UBTF: variants seen among roughly 807,000 people sequenced by gnomAD.
UBTF encodes upstream binding transcription factor, also known as nucleolar transcription factor 1.
A neutral mutation model predicts 112.3 loss-of-function variants in UBTF; 8 were observed. The observed-to-expected ratio is 0.07, with a 90% CI of 0.04 to 0.13. The LOEUF is 0.13. UBTF is among the 10% of genes least tolerant of loss of function. The probability of loss-of-function intolerance (pLI) is 1.00; values close to 1 mark genes in which losing one functional copy is unlikely to be tolerated. For synonymous variants in UBTF, 417 were observed against 373.1 expected (o/e 1.12, Z -1.36); for missense variants, 457 against 982.1 (o/e 0.47, Z 7.15).
rs368250400 is a variant in UBTF at position 44,206,125 on chromosome 17, C to G, written c.*1117G>C. The G allele has an allele frequency of 6.6e-6, 1 of 152,270 alleles. No individual in the cohort carries two copies. The highest frequency in any genetic ancestry group is 6.5e-5 in the Admixed American group (1 of 15,284). 9.4% of individuals were successfully genotyped at this position (152,270 alleles called of 1,614,324 possible). On this transcript the variant is annotated 3_prime_UTR_variant, in exon 21 of 21. Transcript: ENST00000436088. ...CAGGGGAGACCTTTTCCATCAAATA[C>G]AAGCTTTAAGCTTCACACCATCTTG... is the stretch of plus-strand genomic sequence containing the variant.
At chr17:44,219,929 C>A (rs1464152839), upstream of UBTF, among the ~76,000 whole-genome samples, 1 of 150,970 alleles carries the variant, frequency 6.6e-6, no homozygotes, top group Non-Finnish European at 1.5e-5. Context: ...CCACAGCCTG[C>A]CCGGGCGGGC....
At position 44,210,812 on chromosome 17, in the gene UBTF, C is replaced by A; in HGVS notation, c.1339G>T (p.Asp447Tyr). 6.4e-7 allele frequency: 1 copy of A among 1,567,774 alleles called. No individual in the cohort carries two copies. Among genetic ancestry groups the A allele is most frequent in the Non-Finnish European group, 8.7e-7 (1 of 1,155,448 alleles). Reference protein sequence around the residue: ...LTRLLARMWNDLSEKKKAKYK... With the variant: ...LTRLLARMWNYLSEKKKAKYK... ...CTGACCTTCTTCTTCTCAGACAGGTCGTTCCACATTCGGGCCAGCAGGCGG... is the reference window on the plus strand; with the variant it reads ...CTGACCTTCTTCTTCTCAGACAGGTAGTTCCACATTCGGGCCAGCAGGCGG... Residue 447 changes from aspartate (D) to tyrosine (Y), a missense_variant, in exon 13 of 21, where the codon GAC (aspartate) becomes TAC (tyrosine). Asp to Tyr is a radical substitution (Grantham distance 160). Coordinates refer to ENST00000436088, the MANE Select transcript of UBTF (RefSeq NM_014233.4).
chr17:44,220,572 C>T (rs565686642), upstream of UBTF, among the ~76,000 whole-genome samples: 159 of 152,266 alleles, frequency 1.0e-3, no homozygotes, highest in Non-Finnish European at 1.5e-3. Context: ...CTTTACACCC[C>T]GGAAACGGCA....
At chr17:44,220,251 C>T (rs556761085), upstream of UBTF, among the ~76,000 whole-genome samples, 748 of 151,846 alleles carry the variant, frequency 4.9e-3, 8 homozygotes, top group African/African-American at 0.017. Flanking sequence ...AGAGGGTGCC[C>T]GGAGGTGCCC....
At chr17:44,219,060 C>T (rs1397594933) in intron 1 of UBTF, 1 of 149,732 alleles carries the variant, frequency 6.7e-6, no homozygotes, top group Non-Finnish European at 1.5e-5. Flanking sequence ...CGCCTCCTCC[C>T]CCGAGCCTGC....
chr17:44,212,432 T>G lies in UBTF; in HGVS notation c.683A>C (p.Asp228Ala). The G allele has an allele frequency of 6.4e-7, 1 of 1,567,098 alleles. No homozygotes were observed. The highest frequency in any genetic ancestry group is 8.7e-7 in the Non-Finnish European group (1 of 1,154,128). Residue 228 changes from aspartate to alanine, a missense_variant, in exon 8 of 21, where the codon GAC becomes GCC. Around this residue, in one of 7 missense-constraint regions of UBTF, gnomAD observed 87 missense variants for 286.6 expected, o/e 0.30. Coordinates refer to ENST00000436088, the MANE Select transcript of UBTF (RefSeq NM_014233.4). ...RPDATTKEVK[D>A]SLGKQWSQLS... Reference sequence around the variant, plus strand: ...CTGAGACCACTGCTTCCCCAGGGAGTCCTTCACCTCCTTCGTAGTGGCCTG... The same window carrying G: ...CTGAGACCACTGCTTCCCCAGGGAGGCCTTCACCTCCTTCGTAGTGGCCTG...
At chr17:44,210,759 C>A in intron 13 of UBTF, 33 bp downstream of exon 13, 1 of 1,552,178 alleles carries the variant, frequency 6.4e-7, no homozygotes, top group South Asian at 1.2e-5. Context: ...GGCAGCCCCC[C>A]TGGGGGCACA....
At position 44,212,819 on chromosome 17, in the gene UBTF, A is replaced by G. The variant is rs1238946781; in HGVS notation, c.660T>C (p.Asp220=). Residue 220 remains aspartate (D), a splice_region_variant and synonymous_variant, in exon 7 of 21, where the codon GAT becomes GAC. Coordinates refer to ENST00000436088, the MANE Select transcript of UBTF (RefSeq NM_014233.4). ...CCCCAACCCTTGGCCGGACACTCAC[A>G]TCTGGCCGCACTTTGAGATACACCT... The part of the protein sequence containing the change: ...EKKVYLKVRP[D]ATTKEVKDSL... The G allele has an allele frequency of 1.2e-6, 2 of 1,613,832 alleles. No homozygotes were observed. The highest frequency in any genetic ancestry group is 2.2e-5 in the South Asian group (2 of 91,058).
At position 44,207,125 on chromosome 17, in the gene UBTF, AAG is replaced by A. The variant is rs2056291080; in HGVS notation, c.*115_*116del. 4.3e-6 allele frequency: 5 copies of A among 1,158,818 alleles called. No individual in the cohort carries two copies. The highest frequency in any genetic ancestry group is 6.0e-6 in the Non-Finnish European group (5 of 830,652). 71.8% of individuals were successfully genotyped at this position (1,158,818 alleles called of 1,614,324 possible). Reference sequence around the variant, plus strand: ...ATTTTTTTTTTTTTTTAAAGAAAGAAAGAAAGTGGGGGAGGCCAGGGGGGCAA... The same window carrying A: ...ATTTTTTTTTTTTTTTAAAGAAAGAAAAAGTGGGGGAGGCCAGGGGGGCAA... On this transcript the variant is annotated 3_prime_UTR_variant, in exon 21 of 21. Transcript: ENST00000436088.
At chr17:44,212,512 AG>A in intron 7 of UBTF, 58 bp from the exon 8 acceptor site, 1 of 54,342 alleles carries the variant, frequency 1.8e-5, no homozygotes. Flanking sequence ...GGAGGGGGGA[AG>A]GGGGAAGGGG....
rs778439956 is a variant in UBTF, at chr17:44,211,135, C to T, written c.1107G>A (p.Glu369=). The part of the protein sequence containing the change: ...LRFLESLPEE[E]QQRVLGEEKM... ...TCTCTTCCCCCAAGACCCGCTGCTGCTCCTCCTCAGGCAGGCTCTGGACAG... is the reference window on the plus strand; with the variant it reads ...TCTCTTCCCCCAAGACCCGCTGCTGTTCCTCCTCAGGCAGGCTCTGGACAG... Residue 369 remains glutamate, a synonymous_variant, in exon 12 of 21, where the codon GAG becomes GAA. Coordinates refer to ENST00000436088, the MANE Select transcript of UBTF (RefSeq NM_014233.4). The surrounding 1 kb of genome is among the most constrained non-coding windows in gnomAD (Gnocchi z 4.9). 1.2e-6 allele frequency: 2 copies of T among 1,613,294 alleles called. No homozygotes were observed. The highest frequency in any genetic ancestry group is 1.1e-5 in the South Asian group (1 of 91,074).
At position 44,207,226 on chromosome 17, in the gene UBTF, G is replaced by A; in HGVS notation, c.*16C>T. The A allele has an allele frequency of 6.2e-7, 1 of 1,613,262 alleles. No individual in the cohort carries two copies. The highest frequency in any genetic ancestry group is 1.1e-5 in the South Asian group (1 of 90,836). On this transcript the variant is annotated 3_prime_UTR_variant, in exon 21 of 21. Transcript: ENST00000436088. ...CTCCTGGGCTCTCCCTGGCTGCCCT[G>A]GGGTGGGGCTGAGCCTCAGTTGGAG...
chr17:44,218,596 A>AAAAAAAAAAAAAG (rs1209448929), intron 1 of UBTF: 1 of 167,220 alleles, frequency 6.0e-6, no homozygotes, highest in Admixed American at 6.9e-5. Context: ...ACCCCAGCCA[A>AAAAAAAAAAAAAG]AAAAAAAAAA....
At chr17:44,215,590 A>AC in intron 5 of UBTF, 64 bp downstream of exon 5, 1 of 1,596,558 alleles carries the variant, frequency 6.3e-7, no homozygotes, top group Non-Finnish European at 8.6e-7. Flanking sequence ...CCTCCAACTG[A>AC]CCCACACCAC....
At position 44,210,434 on chromosome 17, in the gene UBTF, A is replaced by T. The variant is rs757597741; in HGVS notation, c.1399T>A (p.Ser467Thr). 6.2e-7 allele frequency: 1 copy of T among 1,613,444 alleles called. No homozygotes were observed. The highest frequency in any genetic ancestry group is 8.5e-7 in the Non-Finnish European group (1 of 1,179,892). ...KAREAALKAQ[S>T]ERKPGGEREE... ...CGCTCCCCGCCGGGCTTCCTCTCCG[A>T]CTGAGCCTTGAGCGCCGCCTCTCGG... The change falls in exon 14 of 21, where the codon TCG becomes ACG. Residue 467 changes from serine to threonine, a missense_variant. Physicochemically the swap from Ser to Thr is moderately conservative, Grantham distance 58. This residue lies in a region of UBTF where 108 missense variants were observed against 137.4 expected (regional missense o/e 0.79). Coordinates refer to ENST00000436088, the MANE Select transcript of UBTF (RefSeq NM_014233.4).
rs1018759116 is a variant in UBTF at position 44,209,753 on chromosome 17, G to T, written c.1627-20C>A. 2 of 1,611,458 alleles carry T rather than the reference G, an allele frequency of 1.2e-6. No homozygotes were observed. The highest frequency in any genetic ancestry group is 2.7e-5 in the African/African-American group (2 of 74,876). The stretch of plus-strand genomic sequence containing the variant: ...CTCTCTCTGGAGGGAGAAAGGTCAC[G>T]CTCACCCCCCAGTCCCACCCCCAAA... On this transcript the variant is annotated intron_variant, in intron 15 of 20. Transcript: ENST00000436088.
intron 15 of UBTF, 130 bp downstream of exon 15, chr17:44,209,994 G>A (rs1237071623): frequency 8.0e-6 from 8 of 994,652 alleles, no homozygotes; most frequent in Non-Finnish European, 1.2e-5. Flanking sequence ...GAGAGACAGA[G>A]GTTCAGAGAA....
chr17:44,217,400 C>T (rs982681373), intron 2 of UBTF, among the ~76,000 whole-genome samples: 1 of 152,210 alleles, frequency 6.6e-6, no homozygotes, highest in African/African-American at 2.4e-5. Context: ...GAATTACAAG[C>T]TGTCTTGTCA....
rs184518174 is a variant in UBTF, at chr17:44,215,871, C to T, written c.318+35G>A. ...ACATCCCTTCTTTGGACCTTTCCTC[C>T]CATACCCCTCATGCTCCTCCTCCTA... On this transcript the variant is annotated intron_variant, in intron 4 of 20. Coordinates refer to ENST00000436088, the MANE Select transcript of UBTF (RefSeq NM_014233.4). The T allele has an allele frequency of 6.8e-5, 110 of 1,613,998 alleles. No individual in the cohort carries two copies. In the Admixed American group the frequency reaches 1.5e-3, roughly 22 times the overall value.
Sources: allele counts gnomAD v4.1 joint callset (sites outside exome capture counted in the v4.1 genomes callset), GRCh38; gene constraint gnomAD v4.1.1; regional missense constraint gnomAD v4.1.1; non-coding constraint Gnocchi (gnomAD v3.1); transcripts MANE v1.5; gene names NCBI Gene and HGNC (gene_info 2026-07-23, HGNC 2026-07-21).